The following LOC122539214 variants were observed in gnomAD, a reference collection of about 807,000 sequenced individuals.
the LOC122539214 span, chr19:52,653,273 G>A: frequency 1.4e-6 from 2 of 1,462,360 alleles, no homozygotes; most frequent in Non-Finnish European, 1.9e-6. Flanking sequence ...CATGCAAGGT[G>A]TGCTTTTTGA....
At chr19:52,654,208 A>T in the LOC122539214 span, 1 of 1,591,586 alleles carries the variant, frequency 6.3e-7, no homozygotes, top group Middle Eastern at 1.7e-4. Context: ...GATTTTTGTC[A>T]TGGGTGCTTC....
the LOC122539214 span, among the ~76,000 whole-genome samples, chr19:52,680,606 ATTTTT>A: frequency 3.8e-3 from 338 of 88,928 alleles, 3 homozygotes; most frequent in East Asian, 0.017. Flanking sequence ...TCCACAAAAT[ATTTTT>A]TTTTTTTTTT....
the LOC122539214 span, among the ~76,000 whole-genome samples, chr19:52,667,611 C>T: frequency 6.6e-6 from 1 of 152,112 alleles, no homozygotes; most frequent in South Asian, 2.1e-4. Context: ...AAGCAAGTTT[C>T]AAAATGTTAA....
At chr19:52,656,348 C>T in the LOC122539214 span, among the ~76,000 whole-genome samples, 1 of 151,746 alleles carries the variant, frequency 6.6e-6, no homozygotes, top group Non-Finnish European at 1.5e-5. Flanking sequence ...ATTGTGAAAC[C>T]CCATATCTAC....
At chr19:52,682,642 T>G in the LOC122539214 span, among the ~76,000 whole-genome samples, 2 of 151,842 alleles carry the variant, frequency 1.3e-5, no homozygotes, top group South Asian at 4.2e-4. Flanking sequence ...CTCTCCAGCC[T>G]AGGCAACAAA....
the LOC122539214 span, among the ~76,000 whole-genome samples, chr19:52,672,308 C>A: frequency 6.6e-6 from 1 of 152,200 alleles, no homozygotes; most frequent in Admixed American, 6.5e-5. Flanking sequence ...ATGACTATAT[C>A]TGTAAGTTAA....
the LOC122539214 span, among the ~76,000 whole-genome samples, chr19:52,664,521 C>A: frequency 6.6e-6 from 1 of 152,040 alleles, no homozygotes; most frequent in African/African-American, 2.4e-5. Flanking sequence ...GAAGAAGGAA[C>A]CACTGGGTCC....
chr19:52,682,878 CTT>C, the LOC122539214 span, among the ~76,000 whole-genome samples: 1 of 151,138 alleles, frequency 6.6e-6, no homozygotes, highest in East Asian at 1.9e-4. Flanking sequence ...CTCTGTCTCT[CTT>C]TTTTTTTCTA....
At chr19:52,670,986 C>T in the LOC122539214 span, among the ~76,000 whole-genome samples, 3 of 152,188 alleles carry the variant, frequency 2.0e-5, no homozygotes, top group African/African-American at 4.8e-5. Flanking sequence ...GTTTTTTATT[C>T]AGACCTTTAA....
the LOC122539214 span, among the ~76,000 whole-genome samples, chr19:52,680,733 C>T: frequency 1.1e-4 from 15 of 142,786 alleles, no homozygotes; most frequent in Non-Finnish European, 1.8e-4. Context: ...CTGCCTCAGC[C>T]TCCCGAGTAA....
At chr19:52,673,073 TG>T in the LOC122539214 span, among the ~76,000 whole-genome samples, 1 of 151,908 alleles carries the variant, frequency 6.6e-6, no homozygotes, top group East Asian at 1.9e-4. Flanking sequence ...CAAAAAAAAC[TG>T]GATGTGAGCC....
chr19:52,687,636 TA>T, the LOC122539214 span, among the ~76,000 whole-genome samples: 1 of 15,978 alleles, frequency 6.3e-5, no homozygotes, highest in African/African-American at 4.5e-4. Context: ...ATATAATGTA[TA>T]TATATATATA....
At chr19:52,683,652 C>T in the LOC122539214 span, among the ~76,000 whole-genome samples, 4 of 152,288 alleles carry the variant, frequency 2.6e-5, no homozygotes, top group African/African-American at 7.2e-5. Flanking sequence ...TCAGGACTGG[C>T]TGAAGATGCA....
chr19:52,665,450 A>C, the LOC122539214 span, among the ~76,000 whole-genome samples: 2 of 152,178 alleles, frequency 1.3e-5, no homozygotes, highest in East Asian at 3.9e-4. Flanking sequence ...ACCTTGTAAC[A>C]GTGCATATAA....
the LOC122539214 span, among the ~76,000 whole-genome samples, chr19:52,683,228 C>CTGTGTGTGTGTGTGTG: frequency 3.9e-5 from 5 of 128,058 alleles, no homozygotes; most frequent in East Asian, 4.4e-4. Context: ...CCCTGTGACT[C>CTGTGTGTGTGTGTGTG]TGTGTGTGTG....
At chr19:52,679,990 A>T in the LOC122539214 span, among the ~76,000 whole-genome samples, 1 of 152,074 alleles carries the variant, frequency 6.6e-6, no homozygotes, top group Non-Finnish European at 1.5e-5. Context: ...GACCAGACTG[A>T]CCAACATGGA....
At chr19:52,663,794 G>A in the LOC122539214 span, among the ~76,000 whole-genome samples, 2 of 152,154 alleles carry the variant, frequency 1.3e-5, no homozygotes, top group African/African-American at 4.8e-5. Context: ...TGAGGTCAAA[G>A]AAGAAAATTC....
the LOC122539214 span, among the ~76,000 whole-genome samples, chr19:52,676,053 C>G: frequency 6.6e-6 from 1 of 152,146 alleles, no homozygotes; most frequent in Non-Finnish European, 1.5e-5. Flanking sequence ...CTCTCCCTCT[C>G]CCTCTCCCGC....
the LOC122539214 span, among the ~76,000 whole-genome samples, chr19:52,687,592 ATATAATGTATATATATATAATG>A: frequency 1.4e-4 from 3 of 20,746 alleles, no homozygotes; most frequent in African/African-American, 9.6e-4. Flanking sequence ...ATATATATAT[ATATAATGTATATATATATAATG>A]TGTATATATA....
Sources: allele counts gnomAD v4.1 joint callset (sites outside exome capture counted in the v4.1 genomes callset), GRCh38; gene constraint gnomAD v4.1.1; transcripts MANE v1.5.